The following LGR4 variants were observed in gnomAD, a reference collection of about 807,000 sequenced individuals.
LGR4 encodes the protein leucine rich repeat containing G protein-coupled receptor 4.
LGR4 carries 44 observed loss-of-function variants against 84.8 expected under a neutral mutation model. The ratio of observed to expected loss-of-function variants is 0.52; its 90% confidence interval spans 0.41 to 0.67. LGR4 has a LOEUF of 0.67. Among genes scored for constraint, LGR4 ranks in the 30% least tolerant of loss-of-function variants. The pLI is 0.00. For missense variants in LGR4, 1,032 were observed against 1,131.4 expected (o/e 0.91, Z 1.26); for synonymous variants, 429 against 434.3 (o/e 0.99, Z 0.15).
At chr11:27,418,624 CATT>C (rs1863865693) in intron 1 of LGR4, among the ~76,000 whole-genome samples, 2 of 152,068 alleles carry the variant, frequency 1.3e-5, no homozygotes, top group South Asian at 4.1e-4. Flanking sequence ...TAAAAATAAA[CATT>C]AATTATGGCA....
chr11:27,385,548 T>C (rs1447534915), intron 4 of LGR4, 80 bp from the exon 5 acceptor site: 1 of 856,160 alleles, frequency 1.2e-6, no homozygotes, highest in Non-Finnish European at 1.8e-6. Flanking sequence ...CTCAAAGCTT[T>C]CAAAACAAAA....
chr11:27,375,798 C>T (rs1168339792), intron 13 of LGR4, among the ~76,000 whole-genome samples: 1 of 152,166 alleles, frequency 6.6e-6, no homozygotes, highest in Non-Finnish European at 1.5e-5. Context: ...TGAAAACAAA[C>T]AAGCTACATC....
rs1251904788 is a variant in LGR4 at position 27,375,977 on chromosome 11, C to CT, written c.1181+321dup. On this transcript the variant is annotated intron_variant, in intron 13 of 17. Transcript: ENST00000379214. ...AATATTTATTGAACACAAATTATAT[C>CT]TTTTTTTTTTTTTTTTGAGACGGAG... 3.9e-3 allele frequency among the ~76,000 whole-genome samples: 555 copies of CT among 141,650 alleles called. 1 individual carries two copies. Among genetic ancestry groups the CT allele is most frequent in the African/African-American group, 7.5e-3 (295 of 39,084 alleles). The allele number at this position is 141,650 out of a possible 152,430, so 92.9% of individuals were successfully genotyped here.
chr11:27,422,866 G>A (rs562011120), intron 1 of LGR4, among the ~76,000 whole-genome samples: 63 of 152,172 alleles, frequency 4.1e-4, no homozygotes, highest in Non-Finnish European at 7.6e-4. Context: ...GAGATCCCAT[G>A]GGGTATTTAC....
chr11:27,436,827 G>C (rs1272977905), intron 1 of LGR4, among the ~76,000 whole-genome samples: 2 of 152,012 alleles, frequency 1.3e-5, no homozygotes, highest in Non-Finnish European at 2.9e-5. Flanking sequence ...AACCCTACAT[G>C]TCTTACGCTT....
At chr11:27,458,311 T>C (rs1864611101) in intron 1 of LGR4, among the ~76,000 whole-genome samples, 2 of 152,068 alleles carry the variant, frequency 1.3e-5, no homozygotes, top group Non-Finnish European at 2.9e-5. Flanking sequence ...TAGAAAATAG[T>C]TCAGCAGTTG....
intron 2 of LGR4, among the ~76,000 whole-genome samples, chr11:27,395,739 GTATC>G (rs1863378270): frequency 6.6e-6 from 1 of 152,188 alleles, no homozygotes; most frequent in South Asian, 2.1e-4. Context: ...CTTCAGGAAT[GTATC>G]TACGTAAGTT....
At chr11:27,428,004 T>C (rs1186369699) in intron 1 of LGR4, among the ~76,000 whole-genome samples, 1 of 152,228 alleles carries the variant, frequency 6.6e-6, no homozygotes, top group African/African-American at 2.4e-5. Context: ...GTGAGTAGCT[T>C]CAGTAATTCC....
intron 17 of LGR4, among the ~76,000 whole-genome samples, chr11:27,371,067 T>C (rs1221634537): frequency 3.3e-5 from 5 of 152,230 alleles, no homozygotes; most frequent in Non-Finnish European, 7.3e-5. Flanking sequence ...TGTGATATTA[T>C]ACCAACAAAG....
At chr11:27,432,932 T>C (rs781425408) in intron 1 of LGR4, among the ~76,000 whole-genome samples, 4 of 152,166 alleles carry the variant, frequency 2.6e-5, no homozygotes, top group Non-Finnish European at 4.4e-5. Context: ...GTCTGTAAAC[T>C]GTTAACATTC....
chr11:27,445,619 C>T (rs1164497068), intron 1 of LGR4, among the ~76,000 whole-genome samples: 3 of 152,118 alleles, frequency 2.0e-5, no homozygotes, highest in African/African-American at 2.4e-5. Context: ...TGGCTCACAC[C>T]TGTAATCCAA....
At position 27,472,752 on chromosome 11, in the gene LGR4, T is replaced by A; in HGVS notation, c.-450A>T. ...TCGCTGTCTCCCAGCCGCGGCTCAA[T>A]CTCTTCCCGTCCTTTTCCCTTCTAG... On this transcript the variant is annotated 5_prime_UTR_variant, in exon 1 of 18. Transcript: ENST00000379214. The A allele has an allele frequency of 5.7e-6, 2 of 349,534 alleles. No homozygotes were observed. The highest frequency in any genetic ancestry group is 1.0e-5 in the Non-Finnish European group (2 of 194,968). 21.7% of individuals were successfully genotyped at this position (349,534 alleles called of 1,614,324 possible).
At chr11:27,411,109 C>T (rs1192922209) in intron 2 of LGR4, among the ~76,000 whole-genome samples, 1 of 152,068 alleles carries the variant, frequency 6.6e-6, no homozygotes, top group Non-Finnish European at 1.5e-5. Context: ...TTCTCCATTG[C>T]TGGCCTGGTA....
At chr11:27,401,668 C>A (rs1863507233) in intron 2 of LGR4, among the ~76,000 whole-genome samples, 1 of 152,174 alleles carries the variant, frequency 6.6e-6, no homozygotes, top group South Asian at 2.1e-4. Context: ...TCATTAATCA[C>A]AAACTTCAAC....
intron 1 of LGR4, among the ~76,000 whole-genome samples, chr11:27,432,261 T>G (rs1864128742): frequency 6.6e-6 from 1 of 152,224 alleles, no homozygotes; most frequent in Non-Finnish European, 1.5e-5. Context: ...CTTGAACACC[T>G]TCTCTCCCCA....
At chr11:27,369,454 T>A (rs1862841064) in intron 17 of LGR4, among the ~76,000 whole-genome samples, 1 of 152,220 alleles carries the variant, frequency 6.6e-6, no homozygotes, top group South Asian at 2.1e-4. Context: ...CTAATTTACA[T>A]AGCACAATAT....
At chr11:27,452,023 A>G (rs375548228) in intron 1 of LGR4, among the ~76,000 whole-genome samples, 6 of 152,356 alleles carry the variant, frequency 3.9e-5, no homozygotes, top group African/African-American at 1.4e-4. Context: ...AAAAATGGAC[A>G]CCCACGTAAT....
intron 2 of LGR4, among the ~76,000 whole-genome samples, chr11:27,400,254 A>G (rs1287114973): frequency 6.6e-6 from 1 of 152,176 alleles, no homozygotes; most frequent in Non-Finnish European, 1.5e-5. Flanking sequence ...AAGTATTTCA[A>G]ATAAGGGGTA....
In LGR4 at chr11:27,368,518, C is replaced by T; in HGVS notation, c.2205G>A (p.Glu735=). The change falls in exon 18 of 18, where the codon GAG becomes GAA. Residue 735 remains glutamate (E), a synonymous_variant. Transcript: ENST00000379214. ...YTKLYCNLEK[E]DLSENSQSSM... ...TAGATTGTGAGTTTTCTGAGAGGTCCTCTTTTTCCAAGTTGCAGTATAGTT... is the reference window on the plus strand; with the variant it reads ...TAGATTGTGAGTTTTCTGAGAGGTCTTCTTTTTCCAAGTTGCAGTATAGTT... 6.2e-7 allele frequency: 1 copy of T among 1,614,116 alleles called. No individual in the cohort carries two copies. The highest frequency in any genetic ancestry group is 1.1e-5 in the South Asian group (1 of 91,074).
Sources: gnomAD v4.1 joint callset for allele counts (sites outside exome capture counted in the v4.1 genomes callset) on GRCh38, gnomAD v4.1.1 for gene constraint, MANE v1.5 for transcripts, NCBI Gene and HGNC (gene_info 2026-07-23, HGNC 2026-07-21) for gene names.